CASR: variants seen among roughly 807,000 people sequenced by gnomAD.
CASR encodes calcium sensing receptor.
Under a neutral mutation model 69.1 loss-of-function variants are expected in CASR, and 23 were observed. That is an observed-to-expected ratio of 0.33 (90% CI 0.24 to 0.47). The LOEUF (loss-of-function observed/expected upper bound fraction) is 0.47, where lower values mean the gene tolerates loss of function less well. CASR is among the 20% of genes least tolerant of loss of function. The pLI, the probability that CASR is intolerant of heterozygous loss-of-function variation, is 1.00. For missense variants in CASR, 924 were observed against 1,356.1 expected (o/e 0.68, Z 5.00); for synonymous variants, 541 against 544.7 (o/e 0.99, Z 0.10).
At chr3:122,235,365 A>C (rs2074319452) in intron 1 of CASR, among the ~76,000 whole-genome samples, 1 of 152,180 alleles carries the variant, frequency 6.6e-6, no homozygotes. Context: ...TAGTTCACAG[A>C]CCATGCATAT....
chr3:122,249,478 C>T (rs941359211), intron 1 of CASR, among the ~76,000 whole-genome samples: 3 of 152,184 alleles, frequency 2.0e-5, no homozygotes, highest in Non-Finnish European at 4.4e-5. Context: ...AATCATTGCA[C>T]GAATTTATAA....
chr3:122,261,386 C>G (rs2074619445), intron 3 of CASR, 142 bp from the exon 4 acceptor site: 1 of 794,682 alleles, frequency 1.3e-6, no homozygotes, highest in African/African-American at 1.7e-5. Context: ...CCCTTTCTTT[C>G]ATCCTGTATA....
intron 4 of CASR, among the ~76,000 whole-genome samples, chr3:122,269,047 G>T (rs1000339195): frequency 5.3e-5 from 8 of 152,094 alleles, no homozygotes; most frequent in Non-Finnish European, 1.2e-4. Flanking sequence ...ACTGATGTAG[G>T]CCTCCTAAGA....
Position 122,261,533 on chromosome 3 carries a change from T to C in CASR, c.498T>C (p.Ser166=). 2 of 1,614,104 alleles carry C rather than the reference T, an allele frequency of 1.2e-6. No homozygotes were observed. Among genetic ancestry groups the C allele is most frequent in the African/African-American group, 2.7e-5 (2 of 75,050 alleles). Residue 166 remains serine (S), a synonymous_variant, in exon 4 of 7, where the codon AGT becomes AGC. Transcript: ENST00000639785. ...ATGTTCTTGGTTCTCTCCAGGTCAG[T>C]TATGCCTCCTCCAGCAGACTCCTCA... The part of the protein sequence containing the change: ...LLGLFYIPQV[S]YASSSRLLSN...
chr3:122,218,409 C>G (rs1225038341), intron 1 of CASR, among the ~76,000 whole-genome samples: 4 of 151,980 alleles, frequency 2.6e-5, no homozygotes, highest in African/African-American at 9.7e-5. Context: ...TGGCAGGAGC[C>G]TGTAGTCCCA....
At chr3:122,211,487 C>G (rs1366289152) in intron 1 of CASR, among the ~76,000 whole-genome samples, 2 of 152,208 alleles carry the variant, frequency 1.3e-5, no homozygotes, top group African/African-American at 2.4e-5. Context: ...GCAGGTGGAT[C>G]ACTTGAGGCC....
At position 122,284,209 on chromosome 3, in the gene CASR, G is replaced by C. The variant is rs771529256; in HGVS notation, c.2255G>C (p.Arg752Pro). 3 of 1,613,972 alleles carry C rather than the reference G, an allele frequency of 1.9e-6. No individual in the cohort carries two copies. The highest frequency in any genetic ancestry group is 2.5e-6 in the Non-Finnish European group (3 of 1,180,014). ...WLYTAPPSSY[R>P]NQELEDEIIF... is the part of the protein sequence containing the mutation. ...TACACCGCGCCCCCGTCAAGCTACC[G>C]CAACCAGGAGCTGGAGGATGAGATC... is the stretch of plus-strand genomic sequence containing the variant. Residue 752 changes from arginine (R) to proline (P), a missense_variant, in exon 7 of 7, where the codon CGC becomes CCC. Physicochemically the swap from Arg to Pro is moderately radical, Grantham distance 103 (BLOSUM62 -2). This residue lies in a region of CASR where 184 missense variants were observed against 278.8 expected (regional missense o/e 0.66). Coordinates refer to ENST00000639785, the MANE Select transcript of CASR (RefSeq NM_000388.4).
chr3:122,252,346 A>AG (rs2074493608), intron 1 of CASR, among the ~76,000 whole-genome samples: 1 of 40,112 alleles, frequency 2.5e-5, no homozygotes, highest in South Asian at 9.2e-4. Context: ...GAAAGAAAGA[A>AG]GAAAGAAAGA....
chr3:122,196,897 G>C (rs746533088), intron 1 of CASR, among the ~76,000 whole-genome samples: 3 of 152,156 alleles, frequency 2.0e-5, no homozygotes, highest in Non-Finnish European at 4.4e-5. Flanking sequence ...ATTGTGAAAT[G>C]ATTACTATAA....
chr3:122,255,509 T>C (rs146750607), intron 2 of CASR, among the ~76,000 whole-genome samples: 35 of 152,380 alleles, frequency 2.3e-4, no homozygotes, highest in African/African-American at 8.2e-4. Context: ...CTGATGCTGA[T>C]GATATCCTTC....
chr3:122,252,409 A>AGGAAAAAGAAAAGAAAGAAAG (rs1553765626), intron 1 of CASR, among the ~76,000 whole-genome samples: 2 of 6,482 alleles, frequency 3.1e-4, no homozygotes, highest in African/African-American at 1.2e-3. Context: ...GAAGGAAGGA[A>AGGAAAAAGAAAAGAAAGAAAG]AAAGAAAGAA....
At chr3:122,218,810 A>G (rs1042403908) in intron 1 of CASR, among the ~76,000 whole-genome samples, 5 of 152,220 alleles carry the variant, frequency 3.3e-5, no homozygotes, top group African/African-American at 1.2e-4. Flanking sequence ...ATGTGTTTGC[A>G]TTGCAAATTA....
At chr3:122,205,568 T>A (rs2073998578) in intron 1 of CASR, among the ~76,000 whole-genome samples, 2 of 152,144 alleles carry the variant, frequency 1.3e-5, no homozygotes, top group African/African-American at 4.8e-5. Flanking sequence ...TAGTTCCTTG[T>A]AAATTTTAGG....
At chr3:122,264,714 G>T (rs1576861332) in intron 4 of CASR, among the ~76,000 whole-genome samples, 1 of 152,162 alleles carries the variant, frequency 6.6e-6, no homozygotes, top group East Asian at 1.9e-4. Flanking sequence ...CTGAGTGCTT[G>T]GTGTGAGTCT....
intron 1 of CASR, among the ~76,000 whole-genome samples, chr3:122,200,358 T>C (rs1014331089): frequency 6.6e-6 from 1 of 152,160 alleles, no homozygotes; most frequent in Non-Finnish European, 1.5e-5. Flanking sequence ...ATGTGTCAAA[T>C]AAAAATCATA....
chr3:122,279,290 G>A (rs1052445630), intron 5 of CASR, among the ~76,000 whole-genome samples: 2 of 152,178 alleles, frequency 1.3e-5, no homozygotes, highest in Non-Finnish European at 2.9e-5. Context: ...CTTGTTGGGA[G>A]TTATTATTTT....
intron 1 of CASR, among the ~76,000 whole-genome samples, chr3:122,212,942 G>A (rs182198262): frequency 7.2e-4 from 110 of 152,184 alleles, no homozygotes; most frequent in African/African-American, 2.5e-3. Context: ...GTGCCTGGCC[G>A]ATTTTCTACA....
chr3:122,233,486 T>TG (rs2074299155), intron 1 of CASR, among the ~76,000 whole-genome samples: 1 of 152,138 alleles, frequency 6.6e-6, no homozygotes, highest in South Asian at 2.1e-4. Flanking sequence ...CTCAGGGTGT[T>TG]GGGGAGTAGA....
rs1411862932 is a variant in CASR at position 122,290,734 on chromosome 3, T to C, written c.*5543T>C. The C allele has an allele frequency of 1.3e-5, 2 of 152,148 alleles. No individual in the cohort carries two copies. Among genetic ancestry groups the C allele is most frequent in the African/African-American group, 4.8e-5 (2 of 41,428 alleles). 9.4% of individuals were successfully genotyped at this position (152,148 alleles called of 1,614,324 possible). A position where few individuals can be genotyped will look rare whatever the true frequency, so the allele number is the denominator to read the frequency against. ...CTCCTCCAAATTTTTCTTTATTCTTTTTTTTTTATTATACTTTAAGTTTTA... is the reference window on the plus strand; with the variant it reads ...CTCCTCCAAATTTTTCTTTATTCTTCTTTTTTTATTATACTTTAAGTTTTA... On this transcript the variant is annotated 3_prime_UTR_variant, in exon 7 of 7. Transcript: ENST00000639785.
Sources: allele counts gnomAD v4.1 joint callset (sites outside exome capture counted in the v4.1 genomes callset), GRCh38; gene constraint gnomAD v4.1.1; regional missense constraint gnomAD v4.1.1; transcripts MANE v1.5; gene names NCBI Gene and HGNC (gene_info 2026-07-23, HGNC 2026-07-21).